The following LRRC7 variants were observed in gnomAD, a reference collection of about 807,000 sequenced individuals.
LRRC7 encodes the protein leucine-rich repeat-containing protein 7.
LRRC7 carries 23 observed loss-of-function variants against 175.7 expected under a neutral mutation model. That is an observed-to-expected ratio of 0.13 (90% CI 0.09 to 0.19). The LOEUF (loss-of-function observed/expected upper bound fraction) is 0.19. Ranked by LOEUF, LRRC7 falls within the 10% of genes least tolerant of loss-of-function variation. The pLI is 1.00. For synonymous variants in LRRC7, 685 were observed against 680.9 expected (o/e 1.01, Z -0.09); for missense variants, 1,354 against 1,904.7 (o/e 0.71, Z 5.38).
At position 69,815,236 on chromosome 1, in the gene LRRC7, T is replaced by C. The variant is rs866495163; in HGVS notation, c.422-10512T>C. On this transcript the variant is annotated intron_variant, in intron 4 of 26. Coordinates refer to ENST00000651989, the MANE Select transcript of LRRC7 (RefSeq NM_001370785.2). ...TTTCTTCCTTAATACATCATTTTGG[T>C]GACAAACATCCTACAGAAGATCTTT... is the stretch of plus-strand genomic sequence containing the variant. Among the ~76,000 whole-genome samples, 3 of 152,176 alleles carry C rather than the reference T, an allele frequency of 2.0e-5. No individual in the cohort carries two copies. The South Asian group carries it at 6.2e-4, about 31-fold the overall frequency.
At chr1:69,662,101 A>T (rs1251288819) in intron 1 of LRRC7, among the ~76,000 whole-genome samples, 1 of 152,162 alleles carries the variant, frequency 6.6e-6, no homozygotes, top group East Asian at 1.9e-4. Context: ...CTTTGCAGTG[A>T]CATTGGACAA....
At chr1:69,689,818 C>T (rs1280782727) in intron 2 of LRRC7, among the ~76,000 whole-genome samples, 2 of 152,048 alleles carry the variant, frequency 1.3e-5, no homozygotes, top group Non-Finnish European at 2.9e-5. Context: ...TAAACAGTGT[C>T]GTAACAATAA....
intron 1 of LRRC7, among the ~76,000 whole-genome samples, chr1:69,604,858 A>T (rs954398080): frequency 6.6e-6 from 1 of 152,196 alleles, no homozygotes; most frequent in Non-Finnish European, 1.5e-5. Context: ...GCTATTTACT[A>T]CTAATGACAT....
rs560144305 is a variant in LRRC7 at position 69,928,316 on chromosome 1, G to A, written c.648-3191G>A. ...TCAGATCTCCAGCTGCGTGCTGGGA[G>A]AACCACTGCTCTCTTCAAAGCTGTC... On this transcript the variant is annotated intron_variant, in intron 7 of 26. Coordinates refer to ENST00000651989, the MANE Select transcript of LRRC7 (RefSeq NM_001370785.2). Among the ~76,000 whole-genome samples, 412 of 152,338 alleles carry A rather than the reference G, an allele frequency of 2.7e-3. 3 individuals carry two copies. Among genetic ancestry groups the A allele is most frequent in the Non-Finnish European group, 4.1e-3 (279 of 68,030 alleles).
chr1:69,855,996 C>T (rs576567930), intron 7 of LRRC7, among the ~76,000 whole-genome samples: 8 of 152,192 alleles, frequency 5.3e-5, no homozygotes, highest in African/African-American at 1.9e-4. Context: ...TCCTCCATCC[C>T]TTTATTTTGA....
chr1:69,692,508 C>T (rs1030690969), intron 2 of LRRC7, among the ~76,000 whole-genome samples: 25 of 152,196 alleles, frequency 1.6e-4, no homozygotes, highest in African/African-American at 4.1e-4. Context: ...CCTACTTTTT[C>T]GTGGGTCCTT....
At chr1:69,924,316 G>C (rs938658339) in intron 7 of LRRC7, among the ~76,000 whole-genome samples, 83 of 152,182 alleles carry the variant, frequency 5.5e-4, no homozygotes, top group African/African-American at 2.0e-3. Flanking sequence ...GAACTTTAAA[G>C]TAGTTTTTTC....
At chr1:70,101,027 T>C (rs1414770188) in intron 25 of LRRC7, among the ~76,000 whole-genome samples, 1 of 152,148 alleles carries the variant, frequency 6.6e-6, no homozygotes, top group Non-Finnish European at 1.5e-5. Flanking sequence ...TCATAGAGAC[T>C]AAGTAAATAT....
At chr1:69,592,564 A>C (rs60763622) in intron 1 of LRRC7, among the ~76,000 whole-genome samples, 4,814 of 152,202 alleles carry the variant, frequency 0.032, 231 homozygotes, top group African/African-American at 0.11. Flanking sequence ...ATTTGAGTGC[A>C]GGACTGGATT....
At chr1:70,049,327 G>A (rs912416412) in intron 22 of LRRC7, among the ~76,000 whole-genome samples, 15 of 152,006 alleles carry the variant, frequency 9.9e-5, no homozygotes, top group Non-Finnish European at 4.4e-5. Flanking sequence ...TTTCTTTCTG[G>A]ATATATGCAA....
At chr1:69,717,818 GA>G (rs1238531692) in intron 2 of LRRC7, among the ~76,000 whole-genome samples, 576 of 24,050 alleles carry the variant, frequency 0.024, 79 homozygotes, top group African/African-American at 0.043. Context: ...AAGAAAGAAA[GA>G]AAGAAAGAAA....
At chr1:70,072,444 A>G (rs565088419) in intron 23 of LRRC7, among the ~76,000 whole-genome samples, 1 of 152,298 alleles carries the variant, frequency 6.6e-6, no homozygotes, top group African/African-American at 2.4e-5. Context: ...CTTCTGAACC[A>G]TTATTGTCCC....
At chr1:69,901,014 A>T (rs1646120140) in intron 7 of LRRC7, among the ~76,000 whole-genome samples, 2 of 152,196 alleles carry the variant, frequency 1.3e-5, no homozygotes, top group African/African-American at 4.8e-5. Flanking sequence ...CAAATTATGA[A>T]GTTCCTTGAA....
chr1:70,038,985 C>T lies in LRRC7; in HGVS notation c.3161C>T (p.Pro1054Leu), dbSNP rs376875830. The T allele has an allele frequency of 1.9e-6, 3 of 1,613,756 alleles. No individual in the cohort carries two copies. Among genetic ancestry groups the T allele is most frequent in the African/African-American group, 1.3e-5 (1 of 74,852 alleles). ...EMLTYGSSKG[P>L]QQQKASMTKK... ...CTCACCTACGGAAGTAGTAAGGGGC[C>T]ACAACAACAAAAAGCTTCTATGACA... Residue 1054 changes from proline to leucine, a missense_variant, in exon 21 of 27, where the codon CCA becomes CTA. Physicochemically the swap from Pro to Leu is moderately conservative, Grantham distance 98. This residue lies in a region of LRRC7 where 1,032 missense variants were observed against 1,227.2 expected (regional missense o/e 0.84). Coordinates refer to ENST00000651989, the MANE Select transcript of LRRC7 (RefSeq NM_001370785.2).
intron 3 of LRRC7, among the ~76,000 whole-genome samples, chr1:69,777,751 C>T (rs1672976521): frequency 6.6e-6 from 1 of 152,180 alleles, no homozygotes; most frequent in African/African-American, 2.4e-5. Flanking sequence ...AAATCTATCT[C>T]ACCTCTCCAT....
At chr1:69,855,794 A>G (rs1223131893) in intron 7 of LRRC7, among the ~76,000 whole-genome samples, 2 of 152,188 alleles carry the variant, frequency 1.3e-5, no homozygotes, top group South Asian at 2.1e-4. Flanking sequence ...GACTTGCTTT[A>G]TGAATCTGGG....
intron 2 of LRRC7, among the ~76,000 whole-genome samples, chr1:69,750,200 G>T (rs549621459): frequency 6.6e-6 from 1 of 151,956 alleles, no homozygotes; most frequent in Non-Finnish European, 1.5e-5. Flanking sequence ...ATGAGGAAAG[G>T]TTGGTTAATG....
chr1:70,070,338 T>C (rs1662287943), intron 23 of LRRC7, among the ~76,000 whole-genome samples: 1 of 152,148 alleles, frequency 6.6e-6, no homozygotes, highest in Admixed American at 6.5e-5. Flanking sequence ...ATTTCTAGTT[T>C]TTCATTTGTT....
intron 26 of LRRC7, among the ~76,000 whole-genome samples, chr1:70,108,987 G>A (rs1665331751): frequency 6.6e-6 from 1 of 151,818 alleles, no homozygotes. Context: ...TTTGGTGGTG[G>A]TGTTTTGTTC....
Sources: gnomAD v4.1 joint callset for allele counts (sites outside exome capture counted in the v4.1 genomes callset) on GRCh38, gnomAD v4.1.1 for gene constraint, gnomAD v4.1.1 regional missense constraint, MANE v1.5 for transcripts, NCBI Gene and HGNC (gene_info 2026-07-23, HGNC 2026-07-21) for gene names.